Variants in TPR observed in about 807,000 individuals in gnomAD.
TPR encodes translocated promoter region, nuclear basket protein, also known as nucleoprotein TPR.
In TPR, 51 loss-of-function variants were observed where a neutral mutation model predicts 316.1. That is an observed-to-expected ratio of 0.16 (90% CI 0.13 to 0.20). The LOEUF is 0.20. Ranked by LOEUF, TPR falls within the 10% of genes least tolerant of loss-of-function variation. The pLI, the probability that TPR is intolerant of heterozygous loss-of-function variation, is 1.00. For missense variants in TPR, 2,272 were observed against 2,754.8 expected (o/e 0.82, Z 3.92); for synonymous variants, 981 against 914.7 (o/e 1.07, Z -1.31).
At position 186,341,153 on chromosome 1, in the gene TPR, T is replaced by C; in HGVS notation, c.3895A>G (p.Lys1299Glu). ...DLQQMQAKVR[K>E]LELDILPLQE... ...AAGGGTAAAATATCTAACTCCAGTT[T>C]CCTCACCTGAAAATCATGCCAATAT... The change falls in exon 29 of 51, where the codon AAA becomes GAA. Residue 1299 changes from lysine to glutamate, a missense_variant. Physicochemically the swap from Lys to Glu is moderately conservative, Grantham distance 56 (BLOSUM62 1). Coordinates refer to ENST00000367478, the MANE Select transcript of TPR (RefSeq NM_003292.3). 6.2e-7 allele frequency: 1 copy of C among 1,613,660 alleles called. No individual in the cohort carries two copies. Among genetic ancestry groups the C allele is most frequent in the South Asian group, 1.1e-5 (1 of 90,858 alleles).
At chr1:186,357,724 T>C in intron 13 of TPR, 101 bp from the exon 14 acceptor site, 2 of 973,162 alleles carry the variant, frequency 2.1e-6, no homozygotes, top group Non-Finnish European at 3.0e-6. Context: ...TATAAAACCT[T>C]CAACTTGTAC....
At position 186,371,346 on chromosome 1, in the gene TPR, A is replaced by G. The variant is rs114134508; in HGVS notation, c.257-303T>C. On this transcript the variant is annotated intron_variant, in intron 2 of 50. Coordinates refer to ENST00000367478, the MANE Select transcript of TPR (RefSeq NM_003292.3). ...TTTCAGTGCCATCTTCTAAGTCAAC[A>G]TATATCATAAGAAACAGTGAACTGT... Among the ~76,000 whole-genome samples, 1,208 of 152,304 alleles carry G rather than the reference A, an allele frequency of 7.9e-3. 19 individuals carry two copies. The highest frequency in any genetic ancestry group is 0.028 in the African/African-American group (1,149 of 41,568).
chr1:186,356,437 A>C lies in TPR; in HGVS notation c.1737T>G (p.Leu579=). 6.2e-7 allele frequency: 1 copy of C among 1,608,490 alleles called. No individual in the cohort carries two copies. The highest frequency in any genetic ancestry group is 8.5e-7 in the Non-Finnish European group (1 of 1,175,616). Residue 579 remains leucine, a synonymous_variant, in exon 15 of 51, where the codon CTT becomes CTG. Coordinates refer to ENST00000367478, the MANE Select transcript of TPR (RefSeq NM_003292.3). ...TAAGGGCACTCTCAAGTTTGAGCTG[A>C]AGCTCAGTGATTCTGTAGAAAAAGT... ...QETTSSKITE[L]QLKLESALTE...
Position 186,312,251 on chromosome 1 carries a change from T to A in TPR, c.*1720A>T. On this transcript the variant is annotated 3_prime_UTR_variant, in exon 51 of 51. Coordinates refer to ENST00000367478, the MANE Select transcript of TPR (RefSeq NM_003292.3). Reference sequence around the variant, plus strand: ...CTGGAAGAAGGCCTGCTCTAAATTATCCAGTGTATGGAGAAACGACACAGG... The same window carrying A: ...CTGGAAGAAGGCCTGCTCTAAATTAACCAGTGTATGGAGAAACGACACAGG... 26 of 1,614,068 alleles carry A rather than the reference T, an allele frequency of 1.6e-5. No homozygotes were observed. Among genetic ancestry groups the A allele is most frequent in the Non-Finnish European group, 2.2e-5 (26 of 1,179,958 alleles).
chr1:186,366,985 A>G (rs1011309014), intron 4 of TPR, among the ~76,000 whole-genome samples: 1 of 151,436 alleles, frequency 6.6e-6, no homozygotes, highest in African/African-American at 2.4e-5. Flanking sequence ...TAATGATATA[A>G]ATATCTGAAA....
chr1:186,361,736 T>C (rs1251016842), intron 8 of TPR, 27 bp from the exon 9 acceptor site: 1 of 1,613,218 alleles, frequency 6.2e-7, no homozygotes. Flanking sequence ...AAAAGTTACC[T>C]AACAGTCAAC....
At position 186,355,783 on chromosome 1, in the gene TPR, A is replaced by C. The variant is rs1439363157; in HGVS notation, c.1889-15T>G. Reference sequence around the variant, plus strand: ...TAAGCTTGAAGCTTCAGGAAAGTAAAGACTAATAAAATGCTTTGTTGGCTT... The same window carrying C: ...TAAGCTTGAAGCTTCAGGAAAGTAACGACTAATAAAATGCTTTGTTGGCTT... On this transcript the variant is annotated splice_polypyrimidine_tract_variant and intron_variant, in intron 15 of 50. Transcript: ENST00000367478. 1.9e-6 allele frequency: 3 copies of C among 1,611,432 alleles called. No homozygotes were observed. In the Admixed American group the frequency reaches 5.1e-5, roughly 27 times the overall value.
Position 186,361,852 on chromosome 1 carries a change from G to C in TPR, c.807C>G (p.Ala269=). The part of the protein sequence containing the change: ...TKLKEAKEQQ[A]SMEEKFHNEL... ...CATTGTGGAATTTCTCTTCCATACTGGCCTGTTGTTCCTTGGCCTGAAAAA... is the reference window on the plus strand; with the variant it reads ...CATTGTGGAATTTCTCTTCCATACTCGCCTGTTGTTCCTTGGCCTGAAAAA... The change falls in exon 8 of 51, where the codon GCC becomes GCG. Residue 269 remains alanine (A), a synonymous_variant. Transcript: ENST00000367478. 1 of 1,612,672 alleles carries C rather than the reference G, an allele frequency of 6.2e-7. No homozygotes were observed. Among genetic ancestry groups the C allele is most frequent in the Non-Finnish European group, 8.5e-7 (1 of 1,179,116 alleles).
At chr1:186,374,676 T>G (rs1659650926) in intron 1 of TPR, among the ~76,000 whole-genome samples, 1 of 152,170 alleles carries the variant, frequency 6.6e-6, no homozygotes, top group Non-Finnish European at 1.5e-5. Context: ...AAGAAAATGC[T>G]ACTGAACTTA....
At chr1:186,334,217 A>G in intron 36 of TPR, 108 bp downstream of exon 36, 1 of 1,144,934 alleles carries the variant, frequency 8.7e-7, no homozygotes, top group Non-Finnish European at 1.2e-6. Flanking sequence ...TTTTACAATG[A>G]CGTGACTTCA....
chr1:186,332,991 ATAT>A (rs1179512192), intron 37 of TPR, 128 bp downstream of exon 37: 2 of 1,090,812 alleles, frequency 1.8e-6, no homozygotes, highest in Admixed American at 2.9e-5. Context: ...TATATCCAAG[ATAT>A]TATAATTGCG....
rs775362983 is a variant in TPR at position 186,331,491 on chromosome 1, T to C, written c.5688+7A>G. On this transcript the variant is annotated splice_region_variant and intron_variant, in intron 39 of 50. Transcript: ENST00000367478. ...CGGTGTGGTACTTTAGGTATGTTTT[T>C]ACTTACTTCTCCAATGGAATCTTGA... The C allele has an allele frequency of 6.2e-7, 1 of 1,602,220 alleles. No homozygotes were observed. Among genetic ancestry groups the C allele is most frequent in the Admixed American group, 1.7e-5 (1 of 59,012 alleles).
intron 39 of TPR, among the ~76,000 whole-genome samples, chr1:186,330,528 G>C (rs566934169): frequency 2.4e-4 from 36 of 152,184 alleles, no homozygotes; most frequent in Non-Finnish European, 4.0e-4. Context: ...AACATGGGAT[G>C]TATATTATAT....
intron 20 of TPR, among the ~76,000 whole-genome samples, chr1:186,350,602 A>G (rs10911852): frequency 5.3e-5 from 8 of 152,124 alleles, no homozygotes; most frequent in Admixed American, 3.9e-4. Flanking sequence ...AGATTGCCTT[A>G]GTTTACTGAT....
At chr1:186,370,840 TG>T (rs1423667610) in intron 3 of TPR, 129 bp downstream of exon 3, 2 of 643,852 alleles carry the variant, frequency 3.1e-6, no homozygotes, top group Non-Finnish European at 5.3e-6. Context: ...TACATATTTT[TG>T]TTGGTAGCTT....
intron 1 of TPR, among the ~76,000 whole-genome samples, chr1:186,373,690 C>T (rs995193462): frequency 6.6e-5 from 10 of 152,068 alleles, no homozygotes; most frequent in African/African-American, 2.4e-4. Context: ...AAAAATAAGG[C>T]CTAAAAGGGG....
intron 39 of TPR, among the ~76,000 whole-genome samples, chr1:186,327,937 C>T (rs530510038): frequency 6.8e-4 from 104 of 152,074 alleles, no homozygotes; most frequent in Middle Eastern, 3.4e-3. Context: ...CACCACCCCA[C>T]GAAGTCTGGC....
rs753683063 is a variant in TPR at position 186,356,377 on chromosome 1, A to C, written c.1797T>G (p.His599Gln). ...ELEQLRKSRQ[H>Q]QMQLVDSIVR... ...CTATGGAATCAACAAGCTGCATTTG[A>C]TGCTGTCGTGATTTGCGGAGTTGTT... Residue 599 changes from histidine (H) to glutamine (Q), a missense_variant, in exon 15 of 51, where the codon CAT (histidine) becomes CAG (glutamine). Around this residue, in one of 10 missense-constraint regions of TPR, gnomAD observed 757 missense variants for 859.8 expected, o/e 0.88. Transcript: ENST00000367478. The C allele has an allele frequency of 4.3e-6, 7 of 1,613,844 alleles. No individual in the cohort carries two copies. In the South Asian group the frequency reaches 4.4e-5, roughly 10 times the overall value.
At chr1:186,322,618 T>C in intron 43 of TPR, 32 bp from the exon 44 acceptor site, 3 of 1,610,696 alleles carry the variant, frequency 1.9e-6, no homozygotes, top group Non-Finnish European at 2.5e-6. Flanking sequence ...TTACATTTGC[T>C]TTAAGAAATG....
Sources: allele counts gnomAD v4.1 joint callset (sites outside exome capture counted in the v4.1 genomes callset), GRCh38; gene constraint gnomAD v4.1.1; regional missense constraint gnomAD v4.1.1; transcripts MANE v1.5; gene names NCBI Gene and HGNC (gene_info 2026-07-23, HGNC 2026-07-21).